The following APCDD1 variants were observed in gnomAD, a reference collection of about 807,000 sequenced individuals.
APCDD1 encodes the protein APC down-regulated 1, also known as protein APCDD1.
Under a neutral mutation model 38.1 loss-of-function variants are expected in APCDD1, and 15 were observed. That is an observed-to-expected ratio of 0.39 (90% CI 0.26 to 0.61). The LOEUF (loss-of-function observed/expected upper bound fraction) is 0.61. APCDD1 is among the 20% of genes least tolerant of loss of function. The pLI is 0.49. For missense variants in APCDD1, 647 were observed against 696.2 expected (o/e 0.93, Z 0.79); for synonymous variants, 261 against 279.7 (o/e 0.93, Z 0.67).
At chr18:10,461,350 T>G (rs2030536214) in intron 1 of APCDD1, among the ~76,000 whole-genome samples, 1 of 152,244 alleles carries the variant, frequency 6.6e-6, no homozygotes, top group Non-Finnish European at 1.5e-5. Context: ...TGGAAGAAAC[T>G]ACTCCCTTTG....
At chr18:10,479,112 T>C (rs1457267159) in intron 3 of APCDD1, among the ~76,000 whole-genome samples, 3 of 152,226 alleles carry the variant, frequency 2.0e-5, no homozygotes, top group African/African-American at 7.2e-5. Flanking sequence ...CCGAGAAGGA[T>C]GTACCTGCAG....
rs1340107377 is a variant in APCDD1 at position 10,464,608 on chromosome 18, A to T, written c.59-3861A>T. ...TGGCTATTTTTATTTTCTTGTAGAG[A>T]TGGGGTCTTGTTACCTTGCCCATGC... On this transcript the variant is annotated intron_variant, in intron 1 of 4. Transcript: ENST00000355285. Among the ~76,000 whole-genome samples, 5 of 152,162 alleles carry T rather than the reference A, an allele frequency of 3.3e-5. No homozygotes were observed. In the South Asian group the frequency reaches 1.0e-3, roughly 32 times the overall value.
Position 10,471,432 on chromosome 18 carries a change from A to G in APCDD1, c.243-98A>G, listed in dbSNP as rs756397037. 1,149 of 1,495,602 alleles carry G rather than the reference A, an allele frequency of 7.7e-4. No homozygotes were observed. The highest frequency in any genetic ancestry group is 9.6e-4 in the Non-Finnish European group (1,049 of 1,087,048). The allele number at this position is 1,495,602 out of a possible 1,614,324, so 92.6% of individuals were successfully genotyped here. ...CAACAGAGTCTGGCCCATCGTCAGCACTTTATTATTATTTCTGTAATTTCT... is the reference window on the plus strand; with the variant it reads ...CAACAGAGTCTGGCCCATCGTCAGCGCTTTATTATTATTTCTGTAATTTCT... On this transcript the variant is annotated intron_variant, in intron 2 of 4. Transcript: ENST00000355285. This position sits in a 1 kb window ranked among gnomAD's most constrained non-coding sequence, Gnocchi z 5.5.
At position 10,454,714 on chromosome 18, in the gene APCDD1, G is replaced by A. The variant is rs1598392804; in HGVS notation, c.-268G>A. 22 of 983,420 alleles carry A rather than the reference G, an allele frequency of 2.2e-5. No individual in the cohort carries two copies. The African/African-American group carries it at 2.3e-4, about 10-fold the overall frequency. The allele number at this position is 983,420 out of a possible 1,614,324, so 60.9% of individuals were successfully genotyped here. A position where few individuals can be genotyped will look rare whatever the true frequency, so the allele number is the denominator to read the frequency against. On this transcript the variant is annotated 5_prime_UTR_variant, in exon 1 of 5. Coordinates refer to ENST00000355285, the MANE Select transcript of APCDD1 (RefSeq NM_153000.5). ...CACGCGGCGGCCGGGGCGGGACGCG[G>A]GGCCGGGCGCGGAGAAGTCGGGGCG... is the stretch of plus-strand genomic sequence containing the variant.
rs1360188105 is a variant in APCDD1, at chr18:10,471,794, C to A, written c.507C>A (p.Arg169=). Residue 169 remains arginine, a synonymous_variant, in exon 3 of 5, where the codon CGC becomes CGA. Coordinates refer to ENST00000355285, the MANE Select transcript of APCDD1 (RefSeq NM_153000.5). This position sits in a 1 kb window ranked among gnomAD's most constrained non-coding sequence, Gnocchi z 5.5. ...AGAAGCTCGGCCAGCAGGTGAACCG[C>A]ACATGCCCGGGCTTCCTCGCAGACG... is the stretch of plus-strand genomic sequence containing the variant. The part of the protein sequence containing the change: ...VAEKLGQQVN[R]TCPGFLADGG... 2 of 1,613,462 alleles carry A rather than the reference C, an allele frequency of 1.2e-6. No homozygotes were observed. Among genetic ancestry groups the A allele is most frequent in the Non-Finnish European group, 1.7e-6 (2 of 1,179,714 alleles).
intron 3 of APCDD1, among the ~76,000 whole-genome samples, chr18:10,478,558 C>T (rs111488930): frequency 0.012 from 1,859 of 152,286 alleles, 14 homozygotes; most frequent in Non-Finnish European, 0.019. Context: ...CCCTCTGTAT[C>T]CTCATGTGGC....
Position 10,475,390 on chromosome 18 carries a change from C to A in APCDD1, c.774+3329C>A, listed in dbSNP as rs1332499207. Among the ~76,000 whole-genome samples, 2 of 152,228 alleles carry A rather than the reference C, an allele frequency of 1.3e-5. No homozygotes were observed. Among genetic ancestry groups the A allele is most frequent in the South Asian group, 2.1e-4 (1 of 4,820 alleles). On this transcript the variant is annotated intron_variant, in intron 3 of 4. Coordinates refer to ENST00000355285, the MANE Select transcript of APCDD1 (RefSeq NM_153000.5). This position sits in a 1 kb window ranked among gnomAD's most constrained non-coding sequence, Gnocchi z 4.0. ...AAGAGCTTTAGGACCTTAGATACTA[C>A]ACGAGACATATTGTTAAGTAGGAAA... is the stretch of plus-strand genomic sequence containing the variant.
chr18:10,478,544 A>G (rs2031060082), intron 3 of APCDD1, among the ~76,000 whole-genome samples: 1 of 151,774 alleles, frequency 6.6e-6, no homozygotes, highest in Admixed American at 6.6e-5. Context: ...CAGACTGCTG[A>G]CCTCCCTCTG....
Position 10,479,566 on chromosome 18 carries a change from T to C in APCDD1, c.775-5896T>C, listed in dbSNP as rs529350009. ...CCTTTTCCTGGGCTGGAGTCCTTGCTGGGGAAACGTCTGTTCTCTGCAGCC... is the reference window on the plus strand; with the variant it reads ...CCTTTTCCTGGGCTGGAGTCCTTGCCGGGGAAACGTCTGTTCTCTGCAGCC... On this transcript the variant is annotated intron_variant, in intron 3 of 4. Transcript: ENST00000355285. Among the ~76,000 whole-genome samples the C allele has an allele frequency of 2.2e-4, 34 of 152,292 alleles. No individual in the cohort carries two copies. The East Asian group carries it at 3.1e-3, about 14-fold the overall frequency.
intron 1 of APCDD1, among the ~76,000 whole-genome samples, chr18:10,465,617 G>A (rs147952782): frequency 1.3e-5 from 2 of 152,310 alleles, no homozygotes; most frequent in African/African-American, 4.8e-5. Flanking sequence ...CATTGTTTTT[G>A]TTTTGTTATT....
chr18:10,474,348 C>T (rs752133256), intron 3 of APCDD1: 12 of 152,266 alleles, frequency 7.9e-5, no homozygotes, highest in Non-Finnish European at 1.6e-4. Flanking sequence ...GCCGTTCCCT[C>T]GGGGCCTTTG....
rs2030962194 is a variant in APCDD1, at chr18:10,475,197, G to A, written c.774+3136G>A. On this transcript the variant is annotated intron_variant, in intron 3 of 4. Coordinates refer to ENST00000355285, the MANE Select transcript of APCDD1 (RefSeq NM_153000.5). This position sits in a 1 kb window ranked among gnomAD's most constrained non-coding sequence, Gnocchi z 4.0. Reference sequence around the variant, plus strand: ...AGGAATGAAAATGACAATGTCGACTGACCAGGGAACATCAAAGTGTTTCAT... The same window carrying A: ...AGGAATGAAAATGACAATGTCGACTAACCAGGGAACATCAAAGTGTTTCAT... Among the ~76,000 whole-genome samples the A allele has an allele frequency of 6.6e-6, 1 of 152,224 alleles. No homozygotes were observed. Among genetic ancestry groups the A allele is most frequent in the Admixed American group, 6.5e-5 (1 of 15,288 alleles).
chr18:10,460,532 C>CAAA (rs1167036963), intron 1 of APCDD1, among the ~76,000 whole-genome samples: 2 of 73,578 alleles, frequency 2.7e-5, no homozygotes. Context: ...GACTCTGTCT[C>CAAA]AAAAAAAAAA....
At chr18:10,457,920 A>T (rs888716830) in intron 1 of APCDD1, among the ~76,000 whole-genome samples, 2 of 152,222 alleles carry the variant, frequency 1.3e-5, no homozygotes, top group African/African-American at 4.8e-5. Flanking sequence ...AAAAGTATAC[A>T]TGTCAGTTTT....
chr18:10,455,060 C>A, intron 1 of APCDD1, 21 bp downstream of exon 1: 1 of 1,557,458 alleles, frequency 6.4e-7, no homozygotes, highest in Middle Eastern at 1.8e-4. Context: ...GAGGGCCACT[C>A]GAGCGCTCCC....
At chr18:10,461,337 A>G (rs951075450) in intron 1 of APCDD1, among the ~76,000 whole-genome samples, 1 of 152,164 alleles carries the variant, frequency 6.6e-6, no homozygotes, top group Non-Finnish European at 1.5e-5. Flanking sequence ...TCTGACATTC[A>G]TTTGGAAGAA....
chr18:10,467,382 TCTAA>T lies in APCDD1; in HGVS notation c.59-1083_59-1080del, dbSNP rs1163451801. Reference sequence around the variant, plus strand: ...TATTTAAAAAAAGTTTGTACAGTTGTCTAACTAGTGTCTTTTCTGCTAACACAGG... The same window carrying T: ...TATTTAAAAAAAGTTTGTACAGTTGTCTAGTGTCTTTTCTGCTAACACAGG... On this transcript the variant is annotated intron_variant, in intron 1 of 4. Coordinates refer to ENST00000355285, the MANE Select transcript of APCDD1 (RefSeq NM_153000.5). This position sits in a 1 kb window ranked among gnomAD's most constrained non-coding sequence, Gnocchi z 4.8. Among the ~76,000 whole-genome samples the T allele has an allele frequency of 2.0e-5, 3 of 152,238 alleles. No individual in the cohort carries two copies. Among genetic ancestry groups the T allele is most frequent in the Non-Finnish European group, 2.9e-5 (2 of 68,034 alleles).
In APCDD1 at chr18:10,471,663, G is replaced by T. The variant is rs756242200; in HGVS notation, c.376G>T (p.Gly126Cys). The change falls in exon 3 of 5, where the codon GGC becomes TGC. Residue 126 changes from glycine (G) to cysteine (C), a missense_variant. Gly to Cys is a radical substitution (Grantham distance 159). Coordinates refer to ENST00000355285, the MANE Select transcript of APCDD1 (RefSeq NM_153000.5). The surrounding 1 kb of genome is among the most constrained non-coding windows in gnomAD (Gnocchi z 5.5). ...TCCCACTTATACTCTCATCATCCGG[G>T]GCAAGATCCGCCTCCGCCAGGCCTC... is the stretch of plus-strand genomic sequence containing the variant. ...TNPTYTLIIR[G>C]KIRLRQASWI... 6.2e-7 allele frequency: 1 copy of T among 1,614,114 alleles called. No individual in the cohort carries two copies. The highest frequency in any genetic ancestry group is 1.3e-5 in the African/African-American group (1 of 75,038).
Position 10,488,320 on chromosome 18 carries a change from C to T in APCDD1, c.*282C>T. Reference sequence around the variant, plus strand: ...AGTTCTGGACGAGCGTGTTTGGTAGCAGGGATGAAAGCTAGGGCCTCTTAT... The same window carrying T: ...AGTTCTGGACGAGCGTGTTTGGTAGTAGGGATGAAAGCTAGGGCCTCTTAT... On this transcript the variant is annotated 3_prime_UTR_variant, in exon 5 of 5. Coordinates refer to ENST00000355285, the MANE Select transcript of APCDD1 (RefSeq NM_153000.5). 1 of 398,428 alleles carries T rather than the reference C, an allele frequency of 2.5e-6. No homozygotes were observed. The highest frequency in any genetic ancestry group is 4.4e-6 in the Non-Finnish European group (1 of 224,816). 24.7% of individuals were successfully genotyped at this position (398,428 alleles called of 1,614,324 possible).
Sources: gnomAD v4.1 joint callset for allele counts (sites outside exome capture counted in the v4.1 genomes callset) on GRCh38, gnomAD v4.1.1 for gene constraint, Gnocchi (gnomAD v3.1) non-coding constraint, MANE v1.5 for transcripts, NCBI Gene and HGNC (gene_info 2026-07-23, HGNC 2026-07-21) for gene names.